Variants in PRSS27 observed in about 807,000 individuals in gnomAD.
The protein encoded by PRSS27 is channel-activating protease 2.
Under a neutral mutation model 32.0 loss-of-function variants are expected in PRSS27, and 25 were observed. That is an observed-to-expected ratio of 0.78 (90% CI 0.57 to 1.09). The LOEUF (loss-of-function observed/expected upper bound fraction) is 1.09, where lower values mean the gene tolerates loss of function less well. Among genes scored for constraint, PRSS27 ranks in the 50% least tolerant of loss-of-function variants. The pLI is 0.00. For missense variants in PRSS27, 401 were observed against 394.9 expected (o/e 1.02, Z -0.13); for synonymous variants, 178 against 172.2 (o/e 1.03, Z -0.26).
intron 3 of PRSS27, 57 bp downstream of exon 3, chr16:2,715,661 G>A: frequency 1.4e-6 from 2 of 1,452,736 alleles, no homozygotes; most frequent in South Asian, 1.3e-5. Flanking sequence ...GTGCTGAACC[G>A]GTCGCGCGCG....
At position 2,714,341 on chromosome 16, in the gene PRSS27, C is replaced by T. The variant is rs769891590; in HGVS notation, c.237-5G>A. On this transcript the variant is annotated splice_region_variant and splice_polypyrimidine_tract_variant and intron_variant, in intron 3 of 5. Coordinates refer to ENST00000302641, the MANE Select transcript of PRSS27 (RefSeq NM_031948.5). The surrounding 1 kb of genome is among the most constrained non-coding windows in gnomAD (Gnocchi z 4.7). Reference sequence around the variant, plus strand: ...TACAGGGACGTCTCAGAGGTGCTGGCGGGAGAAACAGAGAGGCGGCGTGAG... The same window carrying T: ...TACAGGGACGTCTCAGAGGTGCTGGTGGGAGAAACAGAGAGGCGGCGTGAG... 2.3e-5 allele frequency: 37 copies of T among 1,611,662 alleles called. No individual in the cohort carries two copies. Among genetic ancestry groups the T allele is most frequent in the East Asian group, 4.5e-5 (2 of 44,888 alleles).
At chr16:2,719,996 G>T in intron 1 of PRSS27, 119 bp downstream of exon 1, 1 of 941,692 alleles carries the variant, frequency 1.1e-6, no homozygotes, top group Non-Finnish European at 1.6e-6. Flanking sequence ...GAGGGATGAT[G>T]GCCTGTCCCA....
Position 2,712,538 on chromosome 16 carries a change from G to A in PRSS27, c.*82C>T. 1 of 1,258,976 alleles carries A rather than the reference G, an allele frequency of 7.9e-7. No individual in the cohort carries two copies. Among genetic ancestry groups the A allele is most frequent in the Non-Finnish European group, 1.1e-6 (1 of 902,210 alleles). 78.0% of individuals were successfully genotyped at this position (1,258,976 alleles called of 1,614,324 possible). A position where few individuals can be genotyped will look rare whatever the true frequency, so the allele number is the denominator to read the frequency against. ...GGTGGGGCTCACAGGTGCAACAGCA[G>A]CGCTGGGAGGACCAGCAGGATGGTG... On this transcript the variant is annotated 3_prime_UTR_variant, in exon 6 of 6. Coordinates refer to ENST00000302641, the MANE Select transcript of PRSS27 (RefSeq NM_031948.5). This position sits in a 1 kb window ranked among gnomAD's most constrained non-coding sequence, Gnocchi z 4.6.
chr16:2,713,580 C>A lies in PRSS27; in HGVS notation c.627G>T (p.Lys209Asn), dbSNP rs763374407. 4.3e-6 allele frequency: 7 copies of A among 1,614,118 alleles called. No individual in the cohort carries two copies. The East Asian group carries it at 1.3e-4, about 31-fold the overall frequency. Residue 209 changes from lysine to asparagine, a missense_variant, in exon 5 of 6, where the codon AAG (lysine) becomes AAT (asparagine). Coordinates refer to ENST00000302641, the MANE Select transcript of PRSS27 (RefSeq NM_031948.5). The part of the protein sequence containing the change: ...TEFGYQPKTI[K>N]NDMLCAGFEE... ...CGAAGCCGGCGCACAGCATGTCATT[C>A]TTGATGGTTTTGGGTTGGTAGCCAA...
Position 2,714,693 on chromosome 16 carries a change from G to A in PRSS27, c.237-357C>T, listed in dbSNP as rs1003235949. On this transcript the variant is annotated intron_variant, in intron 3 of 5. Coordinates refer to ENST00000302641, the MANE Select transcript of PRSS27 (RefSeq NM_031948.5). This position sits in a 1 kb window ranked among gnomAD's most constrained non-coding sequence, Gnocchi z 4.7. Reference sequence around the variant, plus strand: ...AGGTGCAGCAGGGCCAGCCCCACCTGCGGGCCTCTGGCAGGTGACCTGCCC... The same window carrying A: ...AGGTGCAGCAGGGCCAGCCCCACCTACGGGCCTCTGGCAGGTGACCTGCCC... 6.7e-6 allele frequency: 2 copies of A among 298,438 alleles called. No individual in the cohort carries two copies. The highest frequency in any genetic ancestry group is 1.3e-5 in the Non-Finnish European group (2 of 155,946). 18.5% of individuals were successfully genotyped at this position (298,438 alleles called of 1,614,324 possible). A position where few individuals can be genotyped will look rare whatever the true frequency, so the allele number is the denominator to read the frequency against.
rs1339862922 is a variant in PRSS27 at position 2,717,430 on chromosome 16, A to C, written c.47-904T>G. On this transcript the variant is annotated intron_variant, in intron 1 of 5. Coordinates refer to ENST00000302641, the MANE Select transcript of PRSS27 (RefSeq NM_031948.5). The surrounding 1 kb of genome is among the most constrained non-coding windows in gnomAD (Gnocchi z 4.1). ...GCTTGGAGACCCCAGCCAGGACCAT[A>C]GTGTACAGCCCCAGGGTAGCAAAGC... The C allele has an allele frequency of 6.6e-6, 1 of 152,384 alleles. No individual in the cohort carries two copies. Among genetic ancestry groups the C allele is most frequent in the Non-Finnish European group, 1.5e-5 (1 of 68,222 alleles). 9.4% of individuals were successfully genotyped at this position (152,384 alleles called of 1,614,324 possible).
intron 1 of PRSS27, among the ~76,000 whole-genome samples, chr16:2,719,424 G>A (rs2067721579): frequency 6.6e-6 from 1 of 152,178 alleles, no homozygotes; most frequent in Non-Finnish European, 1.5e-5. Context: ...GTGGCTGCCA[G>A]ACTGGCTAGG....
chr16:2,713,309 A>G lies in PRSS27; in HGVS notation c.678+220T>C, dbSNP rs190892880. ...GAGATGGGGTTTCACTGTGTTAGCC[A>G]GGATGGTCTCCATCTCCTGACCTTG... is the stretch of plus-strand genomic sequence containing the variant. On this transcript the variant is annotated intron_variant, in intron 5 of 5. Coordinates refer to ENST00000302641, the MANE Select transcript of PRSS27 (RefSeq NM_031948.5). 3.3e-3 allele frequency: 1,886 copies of G among 578,934 alleles called. 26 individuals are homozygous for G. The highest frequency in any genetic ancestry group is 0.03 in the African/African-American group (1,606 of 54,034). The allele number at this position is 578,934 out of a possible 1,614,324, so 35.9% of individuals were successfully genotyped here.
At chr16:2,713,371 T>A in intron 5 of PRSS27, 158 bp downstream of exon 5, 2 of 769,172 alleles carry the variant, frequency 2.6e-6, no homozygotes, top group Non-Finnish European at 4.5e-6. Context: ...GTGCTGGGAT[T>A]ACAGGCGTGA....
In PRSS27 at chr16:2,720,166, C is replaced by T. The variant is rs761018014; in HGVS notation, c.-6G>A. 3 of 1,596,060 alleles carry T rather than the reference C, an allele frequency of 1.9e-6. No homozygotes were observed. Among genetic ancestry groups the T allele is most frequent in the Non-Finnish European group, 2.6e-6 (3 of 1,171,718 alleles). On this transcript the variant is annotated 5_prime_UTR_variant, in exon 1 of 6. Transcript: ENST00000302641. Reference sequence around the variant, plus strand: ...ACCGCCGCCGGCCGCCTCATGTCCTCAGGCCTGGCTGGGGCGCAGGGCCGT... The same window carrying T: ...ACCGCCGCCGGCCGCCTCATGTCCTTAGGCCTGGCTGGGGCGCAGGGCCGT...
intron 1 of PRSS27, among the ~76,000 whole-genome samples, chr16:2,718,909 G>A (rs187509555): frequency 1.3e-5 from 2 of 152,236 alleles, no homozygotes; most frequent in African/African-American, 4.8e-5. Context: ...GGACAGCTGA[G>A]CCCTTCAGGG....
At position 2,717,375 on chromosome 16, in the gene PRSS27, C is replaced by T. The variant is rs1192028743; in HGVS notation, c.47-849G>A. ...GGACACAAAGGGCCTCTTGCTGGGC[C>T]TTTAACCAAACACTGGAGCCTCTAC... On this transcript the variant is annotated intron_variant, in intron 1 of 5. Coordinates refer to ENST00000302641, the MANE Select transcript of PRSS27 (RefSeq NM_031948.5). This position sits in a 1 kb window ranked among gnomAD's most constrained non-coding sequence, Gnocchi z 4.1. The T allele has an allele frequency of 1.3e-5, 2 of 152,470 alleles. No individual in the cohort carries two copies. The highest frequency in any genetic ancestry group is 4.8e-5 in the African/African-American group (2 of 41,548). 9.4% of individuals were successfully genotyped at this position (152,470 alleles called of 1,614,324 possible).
chr16:2,717,408 T>G lies in PRSS27; in HGVS notation c.47-882A>C, dbSNP rs949721849. 2.6e-5 allele frequency: 4 copies of G among 152,298 alleles called. No homozygotes were observed. The highest frequency in any genetic ancestry group is 5.9e-5 in the Non-Finnish European group (4 of 68,154). 9.4% of individuals were successfully genotyped at this position (152,298 alleles called of 1,614,324 possible). ...AAACACTGGAGCCTCTACCCCAGCT[T>G]GGAGACCCCAGCCAGGACCATAGTG... On this transcript the variant is annotated intron_variant, in intron 1 of 5. Coordinates refer to ENST00000302641, the MANE Select transcript of PRSS27 (RefSeq NM_031948.5). This position sits in a 1 kb window ranked among gnomAD's most constrained non-coding sequence, Gnocchi z 4.1.
chr16:2,715,476 G>A, intron 3 of PRSS27: 10 of 487,662 alleles, frequency 2.1e-5, no homozygotes, highest in Non-Finnish European at 3.6e-5. Flanking sequence ...GTGGGTGGAG[G>A]GGATGGAGGG....
chr16:2,712,580 G>A lies in PRSS27; in HGVS notation c.*40C>T. The A allele has an allele frequency of 6.5e-7, 1 of 1,538,058 alleles. No individual in the cohort carries two copies. Among genetic ancestry groups the A allele is most frequent in the Non-Finnish European group, 8.8e-7 (1 of 1,136,606 alleles). On this transcript the variant is annotated 3_prime_UTR_variant, in exon 6 of 6. Transcript: ENST00000302641. This position sits in a 1 kb window ranked among gnomAD's most constrained non-coding sequence, Gnocchi z 4.6. ...AGGATGGTGTGGGCGGGCAGGCTGG[G>A]TGCAGAGCTCTGCTCAAGGGGCTCC... is the stretch of plus-strand genomic sequence containing the variant.
intron 1 of PRSS27, among the ~76,000 whole-genome samples, chr16:2,719,415 T>C (rs2142069041): frequency 6.6e-6 from 1 of 152,252 alleles, no homozygotes; most frequent in Middle Eastern, 3.4e-3. Context: ...GGAAGTGTGG[T>C]GGCTGCCAGA....
At chr16:2,713,085 C>T (rs2067673727) in intron 5 of PRSS27, 2 of 531,874 alleles carry the variant, frequency 3.8e-6, no homozygotes, top group South Asian at 5.9e-5. Context: ...GGGTGGGGTC[C>T]AGGAATCTGC....
chr16:2,720,146 C>A lies in PRSS27; in HGVS notation c.15G>T (p.Ala5=). Residue 5 remains alanine (A), a synonymous_variant, in exon 1 of 6, where the codon GCG becomes GCT. Coordinates refer to ENST00000302641, the MANE Select transcript of PRSS27 (RefSeq NM_031948.5). ...ACAGCAGCAGCAGGAGCGGCACCGC[C>A]GCCGGCCGCCTCATGTCCTCAGGCC... MRRP[A]AVPLLLLLCF... 6.2e-7 allele frequency: 1 copy of A among 1,600,004 alleles called. No homozygotes were observed. The highest frequency in any genetic ancestry group is 2.3e-5 in the East Asian group (1 of 44,214).
chr16:2,713,715 C>G lies in PRSS27; in HGVS notation c.509-17G>C. 6.2e-7 allele frequency: 1 copy of G among 1,612,096 alleles called. No homozygotes were observed. The highest frequency in any genetic ancestry group is 8.5e-7 in the Non-Finnish European group (1 of 1,178,296). On this transcript the variant is annotated splice_polypyrimidine_tract_variant and intron_variant, in intron 4 of 5. Transcript: ENST00000302641. The stretch of plus-strand genomic sequence containing the variant: ...GCAGGAGGTCTGGAGAGGGGCGGAA[C>G]AGCCCAGGGCTCAACGGACTTCCTC...
Sources: allele counts gnomAD v4.1 joint callset (sites outside exome capture counted in the v4.1 genomes callset), GRCh38; gene constraint gnomAD v4.1.1; non-coding constraint Gnocchi (gnomAD v3.1); transcripts MANE v1.5; gene names NCBI Gene and HGNC (gene_info 2026-07-23, HGNC 2026-07-21).